Variants in LUC7L2 observed in about 807,000 individuals in gnomAD.
The protein encoded by LUC7L2 is LUC7 like 2, pre-mRNA splicing factor, also known as putative RNA-binding protein Luc7-like 2.
Under a neutral mutation model 52.8 loss-of-function variants are expected in LUC7L2, and 25 were observed. That is an observed-to-expected ratio of 0.47 (90% CI 0.34 to 0.66). The LOEUF is 0.66. Ranked by LOEUF, LUC7L2 falls within the 30% of genes least tolerant of loss-of-function variation. The pLI is 0.01. For missense variants in LUC7L2, 328 were observed against 497.8 expected, an observed-to-expected ratio of 0.66 and a Z score of 3.25; for synonymous variants, 144 against 160.9, an observed-to-expected ratio of 0.89 and a Z score of 0.80.
chr7:139,366,469 C>T (rs1415777540), intron 1 of LUC7L2, among the ~76,000 whole-genome samples: 1 of 147,070 alleles, frequency 6.8e-6, no homozygotes, highest in Non-Finnish European at 1.5e-5. Context: ...GTAGACTTTT[C>T]TCTTAAAGTA....
chr7:139,423,251 A>C lies in LUC7L2; in HGVS notation c.*911A>C, dbSNP rs2116370389. On this transcript the variant is annotated 3_prime_UTR_variant, in exon 10 of 10. Coordinates refer to ENST00000354926, the MANE Select transcript of LUC7L2 (RefSeq NM_016019.5). ...TCTGTTACGTCATTAACAGTGCCTTACTGTGCAAGGCACCAAAGGACATAA... is the reference window on the plus strand; with the variant it reads ...TCTGTTACGTCATTAACAGTGCCTTCCTGTGCAAGGCACCAAAGGACATAA... The C allele has an allele frequency of 2.5e-6, 1 of 399,038 alleles. No homozygotes were observed. Among genetic ancestry groups the C allele is most frequent in the South Asian group, 1.3e-4 (1 of 7,858 alleles). 24.7% of individuals were successfully genotyped at this position (399,038 alleles called of 1,614,324 possible).
intron 2 of LUC7L2, among the ~76,000 whole-genome samples, chr7:139,377,387 TTTTATTTA>T (rs1260677086): frequency 6.6e-6 from 1 of 151,660 alleles, no homozygotes; most frequent in African/African-American, 2.4e-5. Flanking sequence ...GTGTGTTTAT[TTTTATTTA>T]TTTATTTATT....
At chr7:139,384,427 C>A (rs4732369) in intron 2 of LUC7L2, among the ~76,000 whole-genome samples, 58,523 of 151,942 alleles carry the variant, frequency 0.39, 15,754 homozygotes, top group African/African-American at 0.77. Flanking sequence ...CACCATGCCC[C>A]GCTAATTTCC....
At chr7:139,345,604 A>C in intron 1 of LUC7L2, 7 of 1,614,084 alleles carry the variant, frequency 4.3e-6, no homozygotes, top group Non-Finnish European at 5.9e-6. Context: ...GCCCTACATC[A>C]GGAATTTCAT....
At chr7:139,349,046 T>G (rs1799365585) in intron 1 of LUC7L2, among the ~76,000 whole-genome samples, 1 of 151,436 alleles carries the variant, frequency 6.6e-6, no homozygotes, top group Non-Finnish European at 1.5e-5. Context: ...CCCAGCTACT[T>G]TGGAGGCTGA....
chr7:139,384,708 C>CA (rs1387106222), intron 2 of LUC7L2, among the ~76,000 whole-genome samples: 1 of 152,046 alleles, frequency 6.6e-6, no homozygotes, highest in African/African-American at 2.4e-5. Context: ...ACGGGGTACT[C>CA]ACGCCCTTTG....
At chr7:139,362,751 A>G (rs1180207397) in intron 1 of LUC7L2, among the ~76,000 whole-genome samples, 1 of 151,954 alleles carries the variant, frequency 6.6e-6, no homozygotes, top group East Asian at 1.9e-4. Context: ...GAAGTGGCAC[A>G]GAGTCCTGGG....
chr7:139,356,751 A>G (rs1396082212), upstream of LUC7L2, among the ~76,000 whole-genome samples: 1 of 152,166 alleles, frequency 6.6e-6, no homozygotes, highest in African/African-American at 2.4e-5. Context: ...GCCTGGCAGT[A>G]TTCGAATTTT....
chr7:139,399,976 G>A (rs1363588071), intron 3 of LUC7L2, among the ~76,000 whole-genome samples: 1 of 152,046 alleles, frequency 6.6e-6, no homozygotes, highest in African/African-American at 2.4e-5. Flanking sequence ...CATTTTATAA[G>A]TGAAATAATA....
In LUC7L2 at chr7:139,361,268, G is replaced by T. The variant is rs1441079853; in HGVS notation, c.61+946G>T. Among the ~76,000 whole-genome samples the T allele has an allele frequency of 2.0e-5, 3 of 152,184 alleles. No individual in the cohort carries two copies. The East Asian group carries it at 5.8e-4, about 29-fold the overall frequency. ...TCTAGTTCATTACTTTCTTAACACAGCAAAATCCTTGGTAGTTTTTATGTG... is the reference window on the plus strand; with the variant it reads ...TCTAGTTCATTACTTTCTTAACACATCAAAATCCTTGGTAGTTTTTATGTG... On this transcript the variant is annotated intron_variant, in intron 1 of 9. Coordinates refer to ENST00000354926, the MANE Select transcript of LUC7L2 (RefSeq NM_016019.5).
intron 1 of LUC7L2, among the ~76,000 whole-genome samples, chr7:139,365,296 CAT>C (rs1225433592): frequency 6.6e-6 from 1 of 152,172 alleles, no homozygotes; most frequent in Admixed American, 6.5e-5. Flanking sequence ...CTCAAGTAAG[CAT>C]ATGCTTCTGA....
chr7:139,406,144 C>T (rs542862936), intron 5 of LUC7L2, among the ~76,000 whole-genome samples: 27 of 152,110 alleles, frequency 1.8e-4, no homozygotes, highest in East Asian at 1.9e-4. Context: ...CTCTGCCTCC[C>T]GGGTTCAAGC....
chr7:139,382,126 G>A (rs1418644592), intron 2 of LUC7L2, among the ~76,000 whole-genome samples: 1 of 151,894 alleles, frequency 6.6e-6, no homozygotes, highest in African/African-American at 2.4e-5. Flanking sequence ...TCCTGACCTT[G>A]TGACCCGCCT....
chr7:139,420,123 ATC>A (rs1452218571), intron 9 of LUC7L2, among the ~76,000 whole-genome samples: 2 of 152,180 alleles, frequency 1.3e-5, no homozygotes, highest in Non-Finnish European at 2.9e-5. Context: ...ATTTGCATCT[ATC>A]TATCTTTTTG....
chr7:139,362,113 T>C (rs1332821657), intron 1 of LUC7L2, among the ~76,000 whole-genome samples: 1 of 152,160 alleles, frequency 6.6e-6, no homozygotes, highest in Non-Finnish European at 1.5e-5. Flanking sequence ...CTGGATTTTT[T>C]TTTTTAACCT....
At chr7:139,346,490 C>A (rs886124606) in intron 1 of LUC7L2, among the ~76,000 whole-genome samples, 11 of 152,076 alleles carry the variant, frequency 7.2e-5, no homozygotes, top group Admixed American at 3.3e-4. Context: ...AGGTGGCACA[C>A]TCAAATAGGG....
At chr7:139,391,630 C>T (rs1245591834) in intron 2 of LUC7L2, among the ~76,000 whole-genome samples, 1 of 151,926 alleles carries the variant, frequency 6.6e-6, no homozygotes, top group Non-Finnish European at 1.5e-5. Context: ...AGTCTGTCAC[C>T]CAGGCTAGAG....
In LUC7L2 at chr7:139,422,655, T is replaced by C; in HGVS notation, c.*315T>C. 6.5e-6 allele frequency: 3 copies of C among 463,070 alleles called. No individual in the cohort carries two copies. Among genetic ancestry groups the C allele is most frequent in the Non-Finnish European group, 1.1e-5 (3 of 283,396 alleles). 28.7% of individuals were successfully genotyped at this position (463,070 alleles called of 1,614,324 possible). ...TACTTGCCTTGGGATTTTTTGAACG[T>C]TTGTAAAATGCTGTCTTCCTAGTCC... On this transcript the variant is annotated 3_prime_UTR_variant, in exon 10 of 10. Coordinates refer to ENST00000354926, the MANE Select transcript of LUC7L2 (RefSeq NM_016019.5).
intron 2 of LUC7L2, among the ~76,000 whole-genome samples, chr7:139,396,780 A>G (rs1340855497): frequency 1.3e-5 from 2 of 152,150 alleles, no homozygotes; most frequent in South Asian, 2.1e-4. Flanking sequence ...GTTTTAGACA[A>G]TATAGATTTT....
Sources: allele counts gnomAD v4.1 joint callset (sites outside exome capture counted in the v4.1 genomes callset), GRCh38; gene constraint gnomAD v4.1.1; transcripts MANE v1.5; gene names NCBI Gene and HGNC (gene_info 2026-07-23, HGNC 2026-07-21).